The following MRPL1 variants were observed in gnomAD, a reference collection of about 807,000 sequenced individuals.
MRPL1 encodes the protein large ribosomal subunit protein uL1m.
In MRPL1, 28 loss-of-function variants were observed where a neutral mutation model predicts 38.0. The ratio of observed to expected loss-of-function variants is 0.74; its 90% CI spans 0.55 to 1.01. The LOEUF (loss-of-function observed/expected upper bound fraction) is 1.01. Ranked by LOEUF, MRPL1 falls within the 50% of genes least tolerant of loss-of-function variation. The pLI, the probability that MRPL1 is intolerant of heterozygous loss-of-function variation, is 0.00. For missense variants in MRPL1, 358 were observed against 389.8 expected, an observed-to-expected ratio of 0.92 and a Z score of 0.69; for synonymous variants, 123 against 126.7, an observed-to-expected ratio of 0.97 and a Z score of 0.20.
chr4:77,949,941 G>A, intron 8 of MRPL1, 63 bp downstream of exon 8: 1 of 934,868 alleles, frequency 1.1e-6, no homozygotes, highest in African/African-American at 1.7e-5. Flanking sequence ...TGTAAAATAT[G>A]AAGAAAAAAG....
intron 1 of MRPL1, among the ~76,000 whole-genome samples, chr4:77,868,970 C>T (rs1735216933): frequency 6.6e-6 from 1 of 152,126 alleles, no homozygotes. Context: ...TTAAAATGAT[C>T]CCTCTTACTA....
intron 1 of MRPL1, among the ~76,000 whole-genome samples, chr4:77,871,268 C>T (rs1735272316): frequency 6.6e-6 from 1 of 150,882 alleles, no homozygotes. Context: ...GATGTATTTA[C>T]CTGCTTTTAG....
At chr4:77,881,205 G>A (rs1338635426) in intron 2 of MRPL1, among the ~76,000 whole-genome samples, 1 of 152,118 alleles carries the variant, frequency 6.6e-6, no homozygotes, top group Non-Finnish European at 1.5e-5. Context: ...TTAGCAAAGG[G>A]CTTGAATGGA....
chr4:77,914,928 G>A (rs1410683289), intron 7 of MRPL1, among the ~76,000 whole-genome samples: 4 of 152,128 alleles, frequency 2.6e-5, no homozygotes, highest in Admixed American at 1.3e-4. Flanking sequence ...TAGCCTGTGA[G>A]CTAACAATGG....
At chr4:77,902,507 A>G (rs1736059536) in intron 6 of MRPL1, among the ~76,000 whole-genome samples, 1 of 152,182 alleles carries the variant, frequency 6.6e-6, no homozygotes, top group Admixed American at 6.5e-5. Context: ...TACAAGGAAG[A>G]AAAAATAATA....
At chr4:77,940,592 G>A (rs1428315931) in intron 7 of MRPL1, among the ~76,000 whole-genome samples, 1 of 152,144 alleles carries the variant, frequency 6.6e-6, no homozygotes, top group Non-Finnish European at 1.5e-5. Flanking sequence ...AATAGAAGTG[G>A]TGAGAGTGGG....
chr4:77,944,053 C>T (rs575236141), intron 7 of MRPL1, among the ~76,000 whole-genome samples: 9 of 152,316 alleles, frequency 5.9e-5, no homozygotes, highest in African/African-American at 2.2e-4. Flanking sequence ...GGCTGCTGTT[C>T]AGATTCTTTT....
intron 7 of MRPL1, among the ~76,000 whole-genome samples, chr4:77,925,345 TG>T (rs1736690868): frequency 6.6e-6 from 1 of 151,426 alleles, no homozygotes; most frequent in African/African-American, 2.4e-5. Context: ...TTTTTTTTTT[TG>T]TTTTTTGTTT....
rs553028436 is a variant in MRPL1 at position 77,902,561 on chromosome 4, T to C, written c.671-6705T>C. Among the ~76,000 whole-genome samples, 13 of 151,062 alleles carry C rather than the reference T, an allele frequency of 8.6e-5. No homozygotes were observed. In the South Asian group the frequency reaches 2.5e-3, roughly 29 times the overall value. On this transcript the variant is annotated intron_variant, in intron 6 of 8. Coordinates refer to ENST00000315567, the MANE Select transcript of MRPL1 (RefSeq NM_020236.4). ...ACTGATATAGAAAAAGAACAAACAA[T>C]AGCAATGAAAGCAAAACTGGTTCTT...
intron 7 of MRPL1, among the ~76,000 whole-genome samples, chr4:77,934,968 A>C (rs1736931572): frequency 6.6e-6 from 1 of 152,246 alleles, no homozygotes; most frequent in Non-Finnish European, 1.5e-5. Context: ...TAAGGTACCT[A>C]TAACAGTGAA....
intron 7 of MRPL1, among the ~76,000 whole-genome samples, chr4:77,932,966 T>C (rs1345521519): frequency 1.3e-5 from 2 of 151,962 alleles, no homozygotes; most frequent in African/African-American, 4.8e-5. Context: ...AAAGGAATTT[T>C]GTTTGCGACA....
At chr4:77,918,679 A>G (rs1736484699) in intron 7 of MRPL1, among the ~76,000 whole-genome samples, 2 of 152,008 alleles carry the variant, frequency 1.3e-5, no homozygotes. Flanking sequence ...GAGGGGAGAG[A>G]TTTGGGGAGA....
At chr4:77,886,789 C>CTTTTTTTTTT (rs71214375) in intron 4 of MRPL1, among the ~76,000 whole-genome samples, 12 of 90,496 alleles carry the variant, frequency 1.3e-4, no homozygotes, top group Non-Finnish European at 1.6e-4. Context: ...TTTGCATTTT[C>CTTTTTTTTTT]TTTTTTTTTT....
At chr4:77,890,910 A>C (rs1026029209) in intron 5 of MRPL1, among the ~76,000 whole-genome samples, 5 of 152,138 alleles carry the variant, frequency 3.3e-5, no homozygotes, top group African/African-American at 1.2e-4. Context: ...CCCATATTCA[A>C]ATTTTCATTT....
intron 2 of MRPL1, among the ~76,000 whole-genome samples, chr4:77,880,361 A>G (rs540828304): frequency 3.7e-4 from 56 of 152,112 alleles, no homozygotes; most frequent in African/African-American, 1.3e-3. Context: ...TCATTTTCCC[A>G]TATCTGTGTG....
At chr4:77,938,895 C>G (rs1232788466) in intron 7 of MRPL1, among the ~76,000 whole-genome samples, 1 of 152,224 alleles carries the variant, frequency 6.6e-6, no homozygotes, top group Non-Finnish European at 1.5e-5. Flanking sequence ...AATGAGCTAC[C>G]TCATGGTCCC....
At chr4:77,913,678 A>G (rs890513258) in intron 7 of MRPL1, among the ~76,000 whole-genome samples, 4 of 152,196 alleles carry the variant, frequency 2.6e-5, no homozygotes, top group African/African-American at 9.6e-5. Flanking sequence ...CCATACAAAG[A>G]CCTGTAAGCA....
chr4:77,918,638 T>A (rs1736483185), intron 7 of MRPL1, among the ~76,000 whole-genome samples: 1 of 152,160 alleles, frequency 6.6e-6, no homozygotes, highest in South Asian at 2.1e-4. Flanking sequence ...GATCATGTGA[T>A]CATATACCTG....
At chr4:77,915,563 C>T (rs375956832) in intron 7 of MRPL1, among the ~76,000 whole-genome samples, 26 of 152,152 alleles carry the variant, frequency 1.7e-4, no homozygotes, top group African/African-American at 5.3e-4. Context: ...TACAGGTGTG[C>T]GCCACCATGC....
Sources: allele counts gnomAD v4.1 joint callset (sites outside exome capture counted in the v4.1 genomes callset), GRCh38; gene constraint gnomAD v4.1.1; transcripts MANE v1.5; gene names NCBI Gene and HGNC (gene_info 2026-07-23, HGNC 2026-07-21).